Variants in ZNF721 observed in about 807,000 individuals in gnomAD.
The protein encoded by ZNF721 is zinc finger protein 721.
A neutral mutation model predicts 2.4 loss-of-function variants in ZNF721; 2 were observed. The observed-to-expected ratio is 0.82, with a 90% CI of 0.34 to 2.58. The LOEUF (loss-of-function observed/expected upper bound fraction) is 2.58, where lower values mean the gene tolerates loss of function less well. ZNF721 is among the 30% of genes most tolerant of loss of function. The probability of loss-of-function intolerance (pLI) is 0.11; values close to 1 mark genes in which losing one functional copy is unlikely to be tolerated. For missense variants in ZNF721, 1,187 were observed against 1,085.5 expected, an observed-to-expected ratio of 1.09 and a Z score of -1.31; for synonymous variants, 398 against 381.8, an observed-to-expected ratio of 1.04 and a Z score of -0.50.
At chr4:485,559 A>G (rs1576972071) in intron 1 of ZNF721, among the ~76,000 whole-genome samples, 2 of 152,208 alleles carry the variant, frequency 1.3e-5, no homozygotes, top group East Asian at 1.9e-4. Flanking sequence ...CACTTTTCAC[A>G]TTAATTTGAG....
chr4:473,479 G>A (rs1343308300), intron 1 of ZNF721, among the ~76,000 whole-genome samples: 2 of 152,152 alleles, frequency 1.3e-5, no homozygotes, highest in African/African-American at 2.4e-5. Context: ...AAGTTGGGGC[G>A]GGCTGGTGAT....
chr4:487,479 A>G (rs1328052508), intron 1 of ZNF721, among the ~76,000 whole-genome samples: 2 of 152,202 alleles, frequency 1.3e-5, no homozygotes, highest in Non-Finnish European at 2.9e-5. Flanking sequence ...AGAATGGCCC[A>G]GCTAAGCCCA....
intron 2 of ZNF721, among the ~76,000 whole-genome samples, chr4:463,400 T>G (rs1715130802): frequency 6.6e-6 from 1 of 152,196 alleles, no homozygotes; most frequent in African/African-American, 2.4e-5. Flanking sequence ...ATAATCCCAT[T>G]ACTGGATATA....
chr4:450,960 TA>T lies in ZNF721; in HGVS notation c.35-6529del, dbSNP rs1560228778. 3.4e-3 allele frequency among the ~76,000 whole-genome samples: 64 copies of T among 19,070 alleles called. 5 individuals are homozygous for T. Among genetic ancestry groups the T allele is most frequent in the Middle Eastern group, 0.042 (1 of 24 alleles). 12.5% of individuals were successfully genotyped at this position (19,070 alleles called of 152,430 possible). On this transcript the variant is annotated intron_variant, in intron 2 of 2. Transcript: ENST00000511833. ...TCCAAAAAAAAAAAAAAAAAAAATA[TA>T]TATATATATATATATATATATATAT...
intron 2 of ZNF721, among the ~76,000 whole-genome samples, chr4:457,347 C>T (rs1553865522): frequency 6.6e-6 from 1 of 152,156 alleles, no homozygotes; most frequent in African/African-American, 2.4e-5. Context: ...GAATCCATGT[C>T]AAGGGTTGTG....
At chr4:486,325 A>C (rs1256872135) in intron 1 of ZNF721, among the ~76,000 whole-genome samples, 1 of 151,794 alleles carries the variant, frequency 6.6e-6, no homozygotes, top group Non-Finnish European at 1.5e-5. Flanking sequence ...TGTCCGGCTA[A>C]TTTTTTGTAT....
In ZNF721 at chr4:480,823, TGG is replaced by T. The variant is rs781937085; in HGVS notation, c.-93-8124_-93-8123del. The stretch of plus-strand genomic sequence containing the variant: ...ACTTTTAAGTAGCTTTCACCTTTTG[TGG>T]GGGGGGGGGGAATGCTGTTATACAC... On this transcript the variant is annotated intron_variant, in intron 1 of 2. Coordinates refer to ENST00000511833, the MANE Select transcript of ZNF721 (RefSeq NM_133474.4). Among the ~76,000 whole-genome samples, 79 of 91,546 alleles carry T rather than the reference TGG, an allele frequency of 8.6e-4. 4 individuals are homozygous for T. The highest frequency in any genetic ancestry group is 2.3e-3 in the African/African-American group (49 of 21,336). The allele number at this position is 91,546 out of a possible 152,430, so 60.1% of individuals were successfully genotyped here.
Position 499,145 on chromosome 4 carries a change from A to G in ZNF721, c.-183T>C, listed in dbSNP as rs1198098311. On this transcript the variant is annotated 5_prime_UTR_variant, in exon 1 of 3. Transcript: ENST00000511833. ...GCCCGCTGTTCGTATGTCCGAGGTG[A>G]CGCCCCGCTGTGGCGGGCTGGCGGA... 9 of 607,120 alleles carry G rather than the reference A, an allele frequency of 1.5e-5. No individual in the cohort carries two copies. The highest frequency in any genetic ancestry group is 1.9e-5 in the Non-Finnish European group (7 of 361,176). The allele number at this position is 607,120 out of a possible 1,614,324, so 37.6% of individuals were successfully genotyped here.
chr4:453,001 GCCCTTCAGTTAGGGAAGGAAACCT>G (rs1288209509), intron 2 of ZNF721, among the ~76,000 whole-genome samples: 1 of 152,194 alleles, frequency 6.6e-6, no homozygotes, highest in Non-Finnish European at 1.5e-5. Context: ...CACTGAGCAA[GCCCTTCAGTTAGGGAAGGAAACCT>G]CCCCCATCCA....
At chr4:465,460 C>T (rs1715216381) in intron 2 of ZNF721, among the ~76,000 whole-genome samples, 1 of 147,934 alleles carries the variant, frequency 6.8e-6, no homozygotes, top group Admixed American at 6.7e-5. Flanking sequence ...GAGACGGAGT[C>T]TCACTCTGTC....
Position 444,350 on chromosome 4 carries a change from A to C in ZNF721, c.117T>G (p.Tyr39Ter). Residue 39 changes from tyrosine to a stop codon, truncating the protein, a stop_gained, in exon 3 of 3, where the codon TAT becomes TAG. Coordinates refer to ENST00000511833, the MANE Select transcript of ZNF721 (RefSeq NM_133474.4). LOFTEE classifies it low-confidence loss of function (END_TRUNC). ...GTAAATTATCATGCCCACATTTCTC[A>C]TATCTTCTCAGTATAAGTTTGTGGA... ...DSFHKLILRR[Y>*]EKCGHDNLQL... The C allele has an allele frequency of 6.2e-7, 1 of 1,614,052 alleles. No homozygotes were observed. The highest frequency in any genetic ancestry group is 8.5e-7 in the Non-Finnish European group (1 of 1,179,966).
intron 1 of ZNF721, among the ~76,000 whole-genome samples, chr4:493,278 C>A (rs1413635999): frequency 1.3e-5 from 2 of 151,858 alleles, no homozygotes; most frequent in African/African-American, 4.8e-5. Flanking sequence ...TTGGGAGGAA[C>A]TTAGTTTATA....
intron 1 of ZNF721, among the ~76,000 whole-genome samples, chr4:473,172 A>G (rs782574955): frequency 2.0e-5 from 3 of 152,176 alleles, no homozygotes; most frequent in Non-Finnish European, 4.4e-5. Context: ...ACTGTCTCTC[A>G]AGCTTCAATG....
At chr4:486,542 C>T (rs1553870441) in intron 1 of ZNF721, among the ~76,000 whole-genome samples, 11 of 152,132 alleles carry the variant, frequency 7.2e-5, no homozygotes. Context: ...CATCTTGGCT[C>T]TTCAAAGCAT....
intron 1 of ZNF721, among the ~76,000 whole-genome samples, chr4:487,407 G>A (rs1439484178): frequency 3.0e-4 from 45 of 152,140 alleles, no homozygotes; most frequent in African/African-American, 9.4e-4. Flanking sequence ...TCCCAGAAGC[G>A]GAGCCACCTA....
rs1156614989 is a variant in ZNF721 at position 444,294 on chromosome 4, A to C, written c.173T>G (p.Val58Gly). Residue 58 changes from valine to glycine, a missense_variant, in exon 3 of 3, where the codon GTG becomes GGG. Physicochemically the swap from Val to Gly is moderately radical, Grantham distance 109 (BLOSUM62 -3). Coordinates refer to ENST00000511833, the MANE Select transcript of ZNF721 (RefSeq NM_133474.4). ...QLRKGCKSMN[V>G]CKVQKGVYNG... ...ATAAACTCCCTTCTGCACTTTACACACGTTCATACTTTTACAGCCTTTCCT... is the reference window on the plus strand; with the variant it reads ...ATAAACTCCCTTCTGCACTTTACACCCGTTCATACTTTTACAGCCTTTCCT... 1.2e-6 allele frequency: 2 copies of C among 1,614,124 alleles called. No homozygotes were observed. The highest frequency in any genetic ancestry group is 1.7e-6 in the Non-Finnish European group (2 of 1,179,994).
intron 2 of ZNF721, among the ~76,000 whole-genome samples, chr4:460,627 C>CAAAAAAAAA (rs199519505): frequency 9.9e-6 from 1 of 101,386 alleles, no homozygotes; most frequent in Non-Finnish European, 2.1e-5. Flanking sequence ...AAGACCCTTT[C>CAAAAAAAAA]AAAAAAAAAA....
At chr4:494,046 C>A (rs538863548) in intron 1 of ZNF721, among the ~76,000 whole-genome samples, 31 of 152,066 alleles carry the variant, frequency 2.0e-4, no homozygotes, top group African/African-American at 7.0e-4. Flanking sequence ...TTTCTTTTTT[C>A]CTGATAAAGT....
At chr4:464,891 AAC>A (rs1553866535) in intron 2 of ZNF721, among the ~76,000 whole-genome samples, 1 of 151,338 alleles carries the variant, frequency 6.6e-6, no homozygotes, top group Non-Finnish European at 1.5e-5. Context: ...CATCATGGCT[AAC>A]ACAGTGAAAC....
Sources: gnomAD v4.1 joint callset for allele counts (sites outside exome capture counted in the v4.1 genomes callset) on GRCh38, gnomAD v4.1.1 for gene constraint, MANE v1.5 for transcripts, NCBI Gene and HGNC (gene_info 2026-07-23, HGNC 2026-07-21) for gene names.